SLC9C2: variants seen among roughly 807,000 people sequenced by gnomAD.
SLC9C2 encodes the protein solute carrier family 9 member C2 (putative).
In SLC9C2, 75 loss-of-function variants were observed where a neutral mutation model predicts 140.2. The ratio of observed to expected loss-of-function variants is 0.53; its 90% confidence interval spans 0.44 to 0.65. The LOEUF is 0.65. Among genes scored for constraint, SLC9C2 ranks in the 30% least tolerant of loss-of-function variants. SLC9C2 has a pLI of 0.00. For synonymous variants in SLC9C2, 375 were observed against 420.9 expected (o/e 0.89, Z 1.34); for missense variants, 1,074 against 1,331.8 (o/e 0.81, Z 3.01).
intron 4 of SLC9C2, among the ~76,000 whole-genome samples, chr1:173,590,242 CAAAA>C (rs1276203820): frequency 1.0e-5 from 1 of 95,526 alleles, no homozygotes; most frequent in Non-Finnish European, 2.5e-5. Flanking sequence ...GACTCCATCT[CAAAA>C]AAAAAAAAAA....
rs41264566 is a variant in SLC9C2 at position 173,500,723 on chromosome 1, C to T, written c.*371G>A. ...ATAACAATTTCACAAATGAAAATTA[C>T]AGGTTCTATGCTTTAGAGAGTAACA... is the stretch of plus-strand genomic sequence containing the variant. On this transcript the variant is annotated 3_prime_UTR_variant, in exon 28 of 28. Transcript: ENST00000367714. 6.8e-4 allele frequency: 106 copies of T among 156,542 alleles called. No individual in the cohort carries two copies. The highest frequency in any genetic ancestry group is 1.3e-3 in the Admixed American group (20 of 15,428). The allele number at this position is 156,542 out of a possible 1,614,324, so 9.7% of individuals were successfully genotyped here. A position where few individuals can be genotyped will look rare whatever the true frequency, so the allele number is the denominator to read the frequency against.
chr1:173,535,076 A>T (rs1379779368), intron 15 of SLC9C2, among the ~76,000 whole-genome samples: 1 of 152,112 alleles, frequency 6.6e-6, no homozygotes, highest in Non-Finnish European at 1.5e-5. Context: ...AAAACTTTTC[A>T]TTCCATCTAA....
In SLC9C2 at chr1:173,516,008, C is replaced by T. The variant is rs538792185; in HGVS notation, c.2907+1529G>A. Among the ~76,000 whole-genome samples the T allele has an allele frequency of 1.2e-3, 189 of 152,302 alleles. 2 individuals are homozygous for T. The highest frequency in any genetic ancestry group is 4.4e-3 in the African/African-American group (181 of 41,548). On this transcript the variant is annotated intron_variant, in intron 23 of 27. Coordinates refer to ENST00000367714, the MANE Select transcript of SLC9C2 (RefSeq NM_178527.4). ...CACCTGGAGATGTCACTCGAGGAGG[C>T]TGGAGAACAGCAAAGATAGGTGCCT...
At chr1:173,563,586 A>G (rs1456031098) in intron 9 of SLC9C2, among the ~76,000 whole-genome samples, 1 of 152,180 alleles carries the variant, frequency 6.6e-6, no homozygotes, top group Non-Finnish European at 1.5e-5. Context: ...GTGGGTACAG[A>G]GTAGGTGTGT....
At chr1:173,537,322 AG>A (rs1271800521) in intron 13 of SLC9C2, among the ~76,000 whole-genome samples, 1 of 152,164 alleles carries the variant, frequency 6.6e-6, no homozygotes, top group Non-Finnish European at 1.5e-5. Flanking sequence ...TCACTTTGGG[AG>A]GCCAAGGCAG....
chr1:173,515,608 C>T (rs1293248072), intron 23 of SLC9C2, among the ~76,000 whole-genome samples: 1 of 152,148 alleles, frequency 6.6e-6, no homozygotes, highest in Admixed American at 6.5e-5. Context: ...TTTGAACATG[C>T]TCCTTTAGCT....
chr1:173,510,086 T>A lies in SLC9C2; in HGVS notation c.2908-387A>T, dbSNP rs537870787. ...TATTTGTTTCCAGAGGCAAATAGTT[T>A]AGCTGAATAAAAAAGATACACTTTC... On this transcript the variant is annotated intron_variant, in intron 23 of 27. Transcript: ENST00000367714. Among the ~76,000 whole-genome samples the A allele has an allele frequency of 4.5e-4, 69 of 152,330 alleles. 1 individual carries two copies. Among genetic ancestry groups the A allele is most frequent in the African/African-American group, 1.6e-3 (68 of 41,588 alleles).
intron 13 of SLC9C2, among the ~76,000 whole-genome samples, chr1:173,544,526 AT>A (rs1254284521): frequency 1.3e-5 from 2 of 152,330 alleles, no homozygotes; most frequent in African/African-American, 2.4e-5. Flanking sequence ...CCAAAGGATT[AT>A]AAATCATGCT....
chr1:173,550,806 C>T (rs2102069546), intron 11 of SLC9C2, among the ~76,000 whole-genome samples: 1 of 149,280 alleles, frequency 6.7e-6, no homozygotes, highest in South Asian at 2.1e-4. Flanking sequence ...CACCTGTAGT[C>T]CCAGCTACTC....
At chr1:173,522,018 GA>G (rs976937950) in intron 21 of SLC9C2, among the ~76,000 whole-genome samples, 1 of 151,944 alleles carries the variant, frequency 6.6e-6, no homozygotes, top group Non-Finnish European at 1.5e-5. Flanking sequence ...CTAACACGGT[GA>G]AACCCCGTCT....
chr1:173,579,533 C>T (rs1255053830), intron 7 of SLC9C2, among the ~76,000 whole-genome samples: 1 of 151,900 alleles, frequency 6.6e-6, no homozygotes, highest in Admixed American at 6.6e-5. Context: ...CAGTTCTCTG[C>T]GATCTCCACC....
At position 173,548,409 on chromosome 1, in the gene SLC9C2, T is replaced by C. The variant is rs1242771992; in HGVS notation, c.1441A>G (p.Thr481Ala). Residue 481 changes from threonine (T) to alanine (A), a missense_variant, in exon 12 of 28, where the codon ACG becomes GCG. Physicochemically the swap from Thr to Ala is moderately conservative, Grantham distance 58. Coordinates refer to ENST00000367714, the MANE Select transcript of SLC9C2 (RefSeq NM_178527.4). ...CTCACAGGAATGTATTCGATCCTCG[T>C]TTTATCTTCTACTAAGGTCCAGTTA... ...NVNWTLVEDK[T>A]RIEYIPFSHV... The C allele has an allele frequency of 1.2e-6, 2 of 1,612,820 alleles. No individual in the cohort carries two copies. Among genetic ancestry groups the C allele is most frequent in the African/African-American group, 2.7e-5 (2 of 74,792 alleles).
chr1:173,525,679 TC>T (rs2101965528), intron 19 of SLC9C2, among the ~76,000 whole-genome samples: 1 of 152,340 alleles, frequency 6.6e-6, no homozygotes, highest in Admixed American at 6.5e-5. Context: ...AGTTAGCAGT[TC>T]CTGCCATGAT....
At chr1:173,593,113 A>C (rs1666258988) in intron 4 of SLC9C2, among the ~76,000 whole-genome samples, 1 of 152,216 alleles carries the variant, frequency 6.6e-6, no homozygotes, top group African/African-American at 2.4e-5. Context: ...TGTCACCAGC[A>C]TATACAAAAA....
At chr1:173,549,914 C>T (rs879340656) in intron 11 of SLC9C2, among the ~76,000 whole-genome samples, 9 of 152,090 alleles carry the variant, frequency 5.9e-5, no homozygotes, top group Admixed American at 2.0e-4. Flanking sequence ...TAGGAGGAAT[C>T]ACAAGAAAGG....
chr1:173,551,325 A>G (rs1300180678), intron 11 of SLC9C2, among the ~76,000 whole-genome samples: 2 of 152,230 alleles, frequency 1.3e-5, no homozygotes, highest in Non-Finnish European at 2.9e-5. Flanking sequence ...TTTCAGACAT[A>G]GAAATTCATC....
chr1:173,575,689 G>C (rs1665132519), intron 8 of SLC9C2, among the ~76,000 whole-genome samples: 1 of 152,014 alleles, frequency 6.6e-6, no homozygotes, highest in African/African-American at 2.4e-5. Context: ...CCATTCTCCT[G>C]CCTCAGCCTC....
intron 11 of SLC9C2, among the ~76,000 whole-genome samples, chr1:173,549,704 T>C (rs1385693715): frequency 6.6e-6 from 1 of 152,236 alleles, no homozygotes; most frequent in Non-Finnish European, 1.5e-5. Flanking sequence ...TACCACATGG[T>C]ATTCCTAGAA....
At chr1:173,563,084 C>T (rs1318293125) in intron 9 of SLC9C2, among the ~76,000 whole-genome samples, 2 of 151,744 alleles carry the variant, frequency 1.3e-5, no homozygotes, top group South Asian at 4.2e-4. Flanking sequence ...TCTGAAGCCA[C>T]GGGGGGCCAG....
Sources: gnomAD v4.1 joint callset for allele counts (sites outside exome capture counted in the v4.1 genomes callset) on GRCh38, gnomAD v4.1.1 for gene constraint, MANE v1.5 for transcripts, NCBI Gene and HGNC (gene_info 2026-07-23, HGNC 2026-07-21) for gene names.